The following SPTLC3 variants were observed in gnomAD, a reference collection of about 807,000 sequenced individuals.
The protein encoded by SPTLC3 is serine palmitoyltransferase 3.
In SPTLC3, 36 loss-of-function variants were observed where a neutral mutation model predicts 59.3. That is an observed-to-expected ratio of 0.61 (90% CI 0.47 to 0.80). SPTLC3 has a LOEUF of 0.80. Ranked by LOEUF, SPTLC3 falls within the 30% of genes least tolerant of loss-of-function variation. The pLI is 0.00. For synonymous variants in SPTLC3, 257 were observed against 240.8 expected (o/e 1.07, Z -0.62); for missense variants, 625 against 685.1 (o/e 0.91, Z 0.98).
At chr20:13,058,431 C>T (rs1987815606) in intron 2 of SPTLC3, among the ~76,000 whole-genome samples, 1 of 152,150 alleles carries the variant, frequency 6.6e-6, no homozygotes, top group Non-Finnish European at 1.5e-5. Flanking sequence ...AAGTATGCAG[C>T]TTATGGGATA....
chr20:13,041,418 C>A (rs1159607153), intron 1 of SPTLC3, among the ~76,000 whole-genome samples: 1 of 152,098 alleles, frequency 6.6e-6, no homozygotes, highest in Non-Finnish European at 1.5e-5. Flanking sequence ...TGTTATTACA[C>A]TTTTCGATTT....
At chr20:13,093,710 TC>T (rs1989313455) in intron 6 of SPTLC3, 133 bp downstream of exon 6, 2 of 736,846 alleles carry the variant, frequency 2.7e-6, no homozygotes, top group Non-Finnish European at 4.3e-6. Flanking sequence ...TTATATTCAC[TC>T]CTGGCTTGTT....
chr20:13,079,776 C>T, intron 4 of SPTLC3: 1 of 469,960 alleles, frequency 2.1e-6, no homozygotes, highest in South Asian at 1.6e-5. Flanking sequence ...TGGCAGAATG[C>T]CCTCTGTGTG....
chr20:13,057,815 A>T (rs1221421009), intron 2 of SPTLC3, among the ~76,000 whole-genome samples: 1 of 152,232 alleles, frequency 6.6e-6, no homozygotes, highest in Non-Finnish European at 1.5e-5. Flanking sequence ...AAGTTCTCAA[A>T]AGTCCCTAGA....
At chr20:13,088,837 G>A (rs1251726186) in intron 4 of SPTLC3, among the ~76,000 whole-genome samples, 4 of 132,368 alleles carry the variant, frequency 3.0e-5, no homozygotes, top group African/African-American at 1.2e-4. Flanking sequence ...CCCCATGTTG[G>A]CCAGGCTGGT....
intron 2 of SPTLC3, among the ~76,000 whole-genome samples, chr20:13,054,350 G>A (rs6078906): frequency 0.054 from 8,161 of 152,246 alleles, 287 homozygotes; most frequent in South Asian, 0.088. Context: ...ATGCATATTT[G>A]TAGACAGAAA....
intron 6 of SPTLC3, among the ~76,000 whole-genome samples, chr20:13,103,655 A>G (rs1989709523): frequency 6.6e-6 from 1 of 152,210 alleles, no homozygotes; most frequent in Non-Finnish European, 1.5e-5. Flanking sequence ...AGCATATGGA[A>G]AGTGGAGGCT....
In SPTLC3 at chr20:13,161,480, G is replaced by A. The variant is rs186675587; in HGVS notation, c.1545+1348G>A. Among the ~76,000 whole-genome samples the A allele has an allele frequency of 4.2e-4, 64 of 152,244 alleles. 1 individual carries two copies. In the East Asian group the frequency reaches 0.012, roughly 28 times the overall value. On this transcript the variant is annotated intron_variant, in intron 11 of 11. Transcript: ENST00000399002. ...TCCAGATATGAGCAAGAGTGAACAG[G>A]GCAGACTCCTGGGGAGTGCCTACAT...
intron 1 of SPTLC3, among the ~76,000 whole-genome samples, chr20:13,043,209 A>G (rs1488241349): frequency 2.6e-5 from 4 of 152,192 alleles, no homozygotes; most frequent in African/African-American, 9.7e-5. Flanking sequence ...CATTTCAGAA[A>G]GGAACATGGC....
intron 3 of SPTLC3, 74 bp from the exon 4 acceptor site, chr20:13,074,275 T>A: frequency 6.4e-7 from 1 of 1,571,386 alleles, no homozygotes; most frequent in Non-Finnish European, 8.7e-7. Flanking sequence ...ACCCAAGTCT[T>A]CCACCAGGGA....
At chr20:13,080,489 C>G (rs8121607) in intron 4 of SPTLC3, among the ~76,000 whole-genome samples, 2 of 131,640 alleles carry the variant, frequency 1.5e-5, no homozygotes. Flanking sequence ...GCCTCATGAC[C>G]GAGTGAAAAT....
intron 8 of SPTLC3, among the ~76,000 whole-genome samples, chr20:13,120,628 T>C (rs1327543005): frequency 6.6e-6 from 1 of 152,182 alleles, no homozygotes; most frequent in Non-Finnish European, 1.5e-5. Flanking sequence ...GGTCAGAGTT[T>C]TATATATTAG....
intron 9 of SPTLC3, among the ~76,000 whole-genome samples, chr20:13,134,993 A>G (rs1425859373): frequency 1.3e-5 from 2 of 152,210 alleles, no homozygotes; most frequent in African/African-American, 4.8e-5. Flanking sequence ...CATGTGCCTC[A>G]CAACAGTCAC....
rs1186095790 is a variant in SPTLC3, at chr20:13,073,949, C to CACTCAGG, written c.459-400_459-399insACTCAGG. The CACTCAGG allele has an allele frequency of 1.2e-5, 7 of 588,462 alleles. No individual in the cohort carries two copies. The Admixed American group carries it at 1.3e-4, about 11-fold the overall frequency. The allele number at this position is 588,462 out of a possible 1,614,324, so 36.5% of individuals were successfully genotyped here. The stretch of plus-strand genomic sequence containing the variant: ...TGGATCATCCAGGGAGGTGTGGCAC[C>CACTCAGG]TGAGTGGATGTTACCAACTCCTGGT... On this transcript the variant is annotated intron_variant, in intron 3 of 11. Transcript: ENST00000399002.
chr20:13,163,317 G>A (rs1326240441), intron 11 of SPTLC3, among the ~76,000 whole-genome samples: 1 of 146,042 alleles, frequency 6.8e-6, no homozygotes, highest in African/African-American at 2.5e-5. Context: ...GCAGTGAGCC[G>A]AGATCATGCC....
intron 2 of SPTLC3, among the ~76,000 whole-genome samples, chr20:13,053,291 C>A (rs1333677004): frequency 6.6e-6 from 1 of 152,150 alleles, no homozygotes; most frequent in Non-Finnish European, 1.5e-5. Flanking sequence ...AGCAGACCTG[C>A]AGCAGAGGGG....
At chr20:13,139,343 T>C (rs918981157) in intron 9 of SPTLC3, among the ~76,000 whole-genome samples, 1 of 152,214 alleles carries the variant, frequency 6.6e-6, no homozygotes, top group Non-Finnish European at 1.5e-5. Flanking sequence ...TTATGTTACT[T>C]GTTGTAACAG....
intron 1 of SPTLC3, among the ~76,000 whole-genome samples, chr20:13,044,465 T>C (rs1019907323): frequency 1.2e-4 from 19 of 152,202 alleles, no homozygotes; most frequent in Admixed American, 6.5e-5. Flanking sequence ...CCTGTCTTTC[T>C]TCGTGAGACT....
intron 10 of SPTLC3, among the ~76,000 whole-genome samples, 178 bp from the exon 11 acceptor site, chr20:13,159,821 CTGTT>C (rs979991129): frequency 6.6e-5 from 10 of 152,118 alleles, no homozygotes; most frequent in South Asian, 4.2e-4. Flanking sequence ...GACTGACTGC[CTGTT>C]TATTTGTCAA....
Sources: allele counts gnomAD v4.1 joint callset (sites outside exome capture counted in the v4.1 genomes callset), GRCh38; gene constraint gnomAD v4.1.1; transcripts MANE v1.5; gene names NCBI Gene and HGNC (gene_info 2026-07-23, HGNC 2026-07-21).